ELP4: variants seen among roughly 807,000 people sequenced by gnomAD.
ELP4 encodes elongator complex protein 4.
A neutral mutation model predicts 48.9 loss-of-function variants in ELP4; 51 were observed. The observed-to-expected ratio is 1.04, with a 90% CI of 0.83 to 1.32. ELP4 has a LOEUF of 1.32. ELP4 is among the 40% of genes most tolerant of loss of function. The probability of loss-of-function intolerance (pLI) is 0.00; values close to 1 mark genes in which losing one functional copy is unlikely to be tolerated. For missense variants in ELP4, 519 were observed against 514.6 expected (o/e 1.01, Z -0.08); for synonymous variants, 210 against 189.2 (o/e 1.11, Z -0.90).
intron 9 of ELP4, among the ~76,000 whole-genome samples, chr11:31,735,380 A>C (rs1947287879): frequency 6.6e-6 from 1 of 152,106 alleles, no homozygotes; most frequent in South Asian, 2.1e-4. Flanking sequence ...TACTTTAAAA[A>C]ATAAAAGCTT....
At chr11:31,735,998 A>G (rs189255762) in intron 9 of ELP4, among the ~76,000 whole-genome samples, 3,138 of 152,268 alleles carry the variant, frequency 0.021, 105 homozygotes, top group African/African-American at 0.071. Context: ...ATGGAACCAA[A>G]AAAGAGCCCG....
chr11:31,551,206 G>A (rs1956844611), intron 3 of ELP4, among the ~76,000 whole-genome samples: 2 of 152,146 alleles, frequency 1.3e-5, no homozygotes, highest in Non-Finnish European at 2.9e-5. Context: ...TTGTTGTGCT[G>A]TTAATCGTTA....
intron 9 of ELP4, among the ~76,000 whole-genome samples, chr11:31,706,372 A>G (rs965489581): frequency 3.3e-5 from 5 of 151,748 alleles, no homozygotes; most frequent in African/African-American, 1.2e-4. Context: ...GCTCATGCCT[A>G]TAATCCCAAC....
rs534789927 is a variant in ELP4 at position 31,747,501 on chromosome 11, G to T, written c.1144-35892G>T. On this transcript the variant is annotated intron_variant, in intron 9 of 9. Coordinates refer to ENST00000640961, the MANE Select transcript of ELP4 (RefSeq NM_019040.5). ...CAAATTGGGGGAAAAGGACTAGATG[G>T]AATTTTATAAAATGTGTAGAATACA... is the stretch of plus-strand genomic sequence containing the variant. 7.2e-5 allele frequency among the ~76,000 whole-genome samples: 11 copies of T among 152,176 alleles called. No homozygotes were observed. The South Asian group carries it at 2.3e-3, about 32-fold the overall frequency.
intron 5 of ELP4, among the ~76,000 whole-genome samples, chr11:31,616,321 C>T (rs1237077265): frequency 6.6e-6 from 1 of 151,974 alleles, no homozygotes; most frequent in African/African-American, 2.4e-5. Context: ...GTACCAAGGT[C>T]ACTCACAAGG....
At chr11:31,672,572 A>T (rs913784486) in intron 9 of ELP4, among the ~76,000 whole-genome samples, 1 of 152,164 alleles carries the variant, frequency 6.6e-6, no homozygotes, top group Non-Finnish European at 1.5e-5. Flanking sequence ...TGGGCGGATG[A>T]CTTGAGCCCA....
intron 9 of ELP4, among the ~76,000 whole-genome samples, chr11:31,684,193 G>A (rs149066013): frequency 1.3e-5 from 2 of 151,872 alleles, no homozygotes; most frequent in East Asian, 3.9e-4. Flanking sequence ...ATAAAAAAAT[G>A]CAAAGGACCA....
chr11:31,734,644 A>T (rs557795659), intron 9 of ELP4, among the ~76,000 whole-genome samples: 1 of 152,334 alleles, frequency 6.6e-6, no homozygotes, highest in African/African-American at 2.4e-5. Context: ...TACTTAGGAA[A>T]AAACTTCACC....
intron 2 of ELP4, among the ~76,000 whole-genome samples, chr11:31,537,073 A>G (rs1956513435): frequency 6.6e-6 from 1 of 152,162 alleles, no homozygotes; most frequent in South Asian, 2.1e-4. Context: ...CAAAGAAGGC[A>G]TTTTCTTCTA....
intron 9 of ELP4, among the ~76,000 whole-genome samples, chr11:31,741,724 T>G (rs1261511297): frequency 6.6e-6 from 1 of 152,010 alleles, no homozygotes; most frequent in African/African-American, 2.4e-5. Flanking sequence ...AGAAAGGACA[T>G]CAACACCAAA....
At chr11:31,738,232 CA>C (rs57817538) in intron 9 of ELP4, among the ~76,000 whole-genome samples, 682 of 53,720 alleles carry the variant, frequency 0.013, 3 homozygotes, top group East Asian at 0.047. Flanking sequence ...CCATCTCTAC[CA>C]AAAAAAAAAA....
intron 5 of ELP4, among the ~76,000 whole-genome samples, chr11:31,623,978 C>T (rs1944684769): frequency 6.6e-6 from 1 of 151,714 alleles, no homozygotes; most frequent in Non-Finnish European, 1.5e-5. Flanking sequence ...CATTATTCAT[C>T]ATCAGGGAAA....
rs372606110 is a variant in ELP4 at position 31,606,298 on chromosome 11, A to G, written c.653+2391A>G. ...TTTAATTTATGAAAAGCATGTGCTCATTTCACTAAAATGAACTTTACTGGT... is the reference window on the plus strand; with the variant it reads ...TTTAATTTATGAAAAGCATGTGCTCGTTTCACTAAAATGAACTTTACTGGT... On this transcript the variant is annotated intron_variant, in intron 5 of 9. Transcript: ENST00000640961. Among the ~76,000 whole-genome samples the G allele has an allele frequency of 6.6e-5, 10 of 152,212 alleles. No individual in the cohort carries two copies. In the East Asian group the frequency reaches 1.3e-3, roughly 21 times the overall value.
intron 9 of ELP4, among the ~76,000 whole-genome samples, chr11:31,759,980 G>A (rs1046053077): frequency 6.6e-6 from 1 of 152,146 alleles, no homozygotes; most frequent in African/African-American, 2.4e-5. Context: ...TGGGATTACA[G>A]GCTATGAGCC....
intron 9 of ELP4, chr11:31,687,581 T>C (rs1946187631): frequency 1.3e-5 from 2 of 152,158 alleles, no homozygotes; most frequent in Non-Finnish European, 2.9e-5. Flanking sequence ...ATCTAATGGC[T>C]TTTGCAATTT....
At chr11:31,533,368 CTTTTTTTTTTTT>C (rs71060492) in intron 2 of ELP4, among the ~76,000 whole-genome samples, 6 of 50,478 alleles carry the variant, frequency 1.2e-4, no homozygotes, top group Admixed American at 3.4e-4. Flanking sequence ...CCATCTCATT[CTTTTTTTTTTTT>C]TTTTTTTTTT....
chr11:31,558,411 G>A (rs1306310793), intron 3 of ELP4, among the ~76,000 whole-genome samples: 1 of 152,108 alleles, frequency 6.6e-6, no homozygotes. Flanking sequence ...TAGCTAGTGA[G>A]AACCATTGCT....
intron 5 of ELP4, among the ~76,000 whole-genome samples, chr11:31,609,124 G>T (rs1054354478): frequency 1.4e-4 from 22 of 152,180 alleles, no homozygotes; most frequent in African/African-American, 5.3e-4. Context: ...GTGTCCTTGG[G>T]CTGGGACATG....
intron 5 of ELP4, among the ~76,000 whole-genome samples, chr11:31,621,363 A>T (rs1364408750): frequency 1.3e-5 from 2 of 152,114 alleles, no homozygotes; most frequent in Non-Finnish European, 2.9e-5. Context: ...TAAATATATC[A>T]GAAGTTCTTA....
Sources: allele counts gnomAD v4.1 joint callset (sites outside exome capture counted in the v4.1 genomes callset), GRCh38; gene constraint gnomAD v4.1.1; transcripts MANE v1.5; gene names NCBI Gene and HGNC (gene_info 2026-07-23, HGNC 2026-07-21).